The following ARHGEF11 variants were observed in gnomAD, a reference collection of about 807,000 sequenced individuals.
ARHGEF11 encodes the protein Rho guanine nucleotide exchange factor 11.
Under a neutral mutation model 193.7 loss-of-function variants are expected in ARHGEF11, and 55 were observed. That is an observed-to-expected ratio of 0.28 (90% confidence interval 0.23 to 0.36). ARHGEF11 has a LOEUF of 0.36. Among genes scored for constraint, ARHGEF11 ranks in the 10% least tolerant of loss-of-function variants. The pLI is 1.00. For missense variants in ARHGEF11, 1,723 were observed against 2,005.6 expected (o/e 0.86, Z 2.69); for synonymous variants, 693 against 768.0 (o/e 0.90, Z 1.62).
Position 156,935,848 on chromosome 1 carries a change from C to T in ARHGEF11, c.*152G>A, listed in dbSNP as rs550925575. On this transcript the variant is annotated 3_prime_UTR_variant, in exon 41 of 41. Coordinates refer to ENST00000368194, the MANE Select transcript of ARHGEF11 (RefSeq NM_198236.3). ...CGACTTGAGCAGACCAAGCAACATG[C>T]GGGTCTCCCCCCGGGCCTTGGCTGG... 8 of 826,772 alleles carry T rather than the reference C, an allele frequency of 9.7e-6. No homozygotes were observed. The highest frequency in any genetic ancestry group is 3.8e-4 in the Middle Eastern group (1 of 2,656). The allele number at this position is 826,772 out of a possible 1,614,324, so 51.2% of individuals were successfully genotyped here.
chr1:157,014,454 C>T, intron 1 of ARHGEF11, among the ~76,000 whole-genome samples: 1 of 152,020 alleles, frequency 6.6e-6, no homozygotes, highest in Non-Finnish European at 1.5e-5. Flanking sequence ...GTTGTCCAGG[C>T]TGGAGTGTAG....
In ARHGEF11 at chr1:157,005,487, T is replaced by C. The variant is rs193219928; in HGVS notation, c.33-19314A>G. Among the ~76,000 whole-genome samples, 112 of 152,276 alleles carry C rather than the reference T, an allele frequency of 7.4e-4. 1 individual carries two copies. Among genetic ancestry groups the C allele is most frequent in the Admixed American group, 2.4e-3 (36 of 15,300 alleles). ...ACAGCTCAGAGGTCAGAACTGAAGGTTGTCAGGGCAGTTTCTCAAGGCCAT... is the reference window on the plus strand; with the variant it reads ...ACAGCTCAGAGGTCAGAACTGAAGGCTGTCAGGGCAGTTTCTCAAGGCCAT... On this transcript the variant is annotated intron_variant, in intron 1 of 40. Transcript: ENST00000368194.
chr1:156,987,554 G>C (rs1404813178), intron 1 of ARHGEF11, among the ~76,000 whole-genome samples: 1 of 152,168 alleles, frequency 6.6e-6, no homozygotes, highest in Non-Finnish European at 1.5e-5. Flanking sequence ...TTGTCTCTGA[G>C]GAGGGAAACT....
intron 1 of ARHGEF11, among the ~76,000 whole-genome samples, chr1:157,023,942 C>T (rs1405368996): frequency 3.3e-5 from 5 of 152,092 alleles, no homozygotes; most frequent in South Asian, 2.1e-4. Context: ...CCTACATATA[C>T]AACCAAGAGA....
intron 40 of ARHGEF11, among the ~76,000 whole-genome samples, chr1:156,936,485 A>AATAAAAAT (rs1486013206): frequency 4.0e-5 from 3 of 75,402 alleles, no homozygotes; most frequent in African/African-American, 1.8e-4. Flanking sequence ...AAATAGAAAA[A>AATAAAAAT]AAAAAAAAAA....
At chr1:156,988,593 G>A (rs1411979671) in intron 1 of ARHGEF11, among the ~76,000 whole-genome samples, 1 of 152,138 alleles carries the variant, frequency 6.6e-6, no homozygotes, top group Non-Finnish European at 1.5e-5. Context: ...GATTTGGTTT[G>A]CATTTGAGCT....
In ARHGEF11 at chr1:156,977,001, C is replaced by T. The variant is rs199895391; in HGVS notation, c.564G>A (p.Gln188=). ...ATQILRNMLR[Q]EEKELQRICE... is the part of the protein sequence containing the mutation. Reference sequence around the variant, plus strand: ...ACCTTACCTGTAATTCTTTTTCTTCCTGCCTCAGCATATTCCTGAGGATCT... The same window carrying T: ...ACCTTACCTGTAATTCTTTTTCTTCTTGCCTCAGCATATTCCTGAGGATCT... Residue 188 remains glutamine (Q), a synonymous_variant, in exon 7 of 41, where the codon CAG becomes CAA. Coordinates refer to ENST00000368194, the MANE Select transcript of ARHGEF11 (RefSeq NM_198236.3). 71 of 1,614,062 alleles carry T rather than the reference C, an allele frequency of 4.4e-5. No individual in the cohort carries two copies. In the Admixed American group the frequency reaches 1.2e-3, roughly 27 times the overall value.
At chr1:156,955,153 T>C (rs1432965879) in intron 20 of ARHGEF11, among the ~76,000 whole-genome samples, 1 of 152,164 alleles carries the variant, frequency 6.6e-6, no homozygotes, top group Non-Finnish European at 1.5e-5. Context: ...CTTAAGGTAC[T>C]GACTGGGAGG....
Position 156,944,569 on chromosome 1 carries a change from T to C in ARHGEF11, c.2992-136A>G, listed in dbSNP as rs1305169444. 5.6e-6 allele frequency: 5 copies of C among 887,824 alleles called. No individual in the cohort carries two copies. In the African/African-American group the frequency reaches 8.3e-5, roughly 15 times the overall value. 55.0% of individuals were successfully genotyped at this position (887,824 alleles called of 1,614,324 possible). The stretch of plus-strand genomic sequence containing the variant: ...GAAAAAGTCCTTGCCCTTACTCTCT[T>C]GTGCGGGATGAAGACAAGCAAAAAG... On this transcript the variant is annotated intron_variant, in intron 30 of 40. Coordinates refer to ENST00000368194, the MANE Select transcript of ARHGEF11 (RefSeq NM_198236.3).
At chr1:156,982,572 T>TCA (rs1571350508) in intron 3 of ARHGEF11, among the ~76,000 whole-genome samples, 1 of 152,050 alleles carries the variant, frequency 6.6e-6, no homozygotes, top group Non-Finnish European at 1.5e-5. Context: ...CACACAACTC[T>TCA]CACACACACA....
At chr1:157,045,776 GCC>G (rs1673256809), upstream of ARHGEF11, among the ~76,000 whole-genome samples, 1 of 150,752 alleles carries the variant, frequency 6.6e-6, no homozygotes, top group South Asian at 2.1e-4. Flanking sequence ...CTCCTTCCGG[GCC>G]CCTTCCCCCT....
chr1:156,986,163 G>A lies in ARHGEF11; in HGVS notation c.43C>T (p.Leu15=). Reference sequence around the variant, plus strand: ...GGTGCAGAATCTCCCAGAGAAGACAGGCTACTTAACCTGGAGAAGGAGTAA... The same window carrying A: ...GGTGCAGAATCTCCCAGAGAAGACAAGCTACTTAACCTGGAGAAGGAGTAA... The part of the protein sequence containing the change: ...LPQSIDRLSS[L]SSLGDSAPER... Residue 15 remains leucine, a synonymous_variant, in exon 2 of 41, where the codon CTG becomes TTG. Coordinates refer to ENST00000368194, the MANE Select transcript of ARHGEF11 (RefSeq NM_198236.3). The A allele has an allele frequency of 6.2e-7, 1 of 1,613,738 alleles. No homozygotes were observed. Among genetic ancestry groups the A allele is most frequent in the Non-Finnish European group, 8.5e-7 (1 of 1,179,764 alleles).
chr1:156,940,883 G>A (rs979356411), intron 35 of ARHGEF11, among the ~76,000 whole-genome samples: 1 of 152,180 alleles, frequency 6.6e-6, no homozygotes, highest in Non-Finnish European at 1.5e-5. Flanking sequence ...GGAAACCCGA[G>A]ATTTCTCCTG....
chr1:157,044,425 G>A lies in ARHGEF11; in HGVS notation c.-95C>T, dbSNP rs1197827432. The stretch of plus-strand genomic sequence containing the variant: ...CAATTTTTGAGCAAGGTGAGAGGAG[G>A]GCCTCCCAACTTGAAGATAGAATCC... On this transcript the variant is annotated 5_prime_UTR_variant, in exon 1 of 41. Transcript: ENST00000368194. The A allele has an allele frequency of 8.4e-7, 1 of 1,187,186 alleles. No individual in the cohort carries two copies. Among genetic ancestry groups the A allele is most frequent in the Non-Finnish European group, 1.3e-6 (1 of 796,138 alleles). 73.5% of individuals were successfully genotyped at this position (1,187,186 alleles called of 1,614,324 possible). A position where few individuals can be genotyped will look rare whatever the true frequency, so the allele number is the denominator to read the frequency against.
intron 25 of ARHGEF11, 141 bp downstream of exon 25, chr1:156,947,628 T>C (rs761008363): frequency 4.3e-5 from 58 of 1,338,508 alleles, no homozygotes; most frequent in Non-Finnish European, 5.8e-5. Flanking sequence ...GGGAACCTTA[T>C]AGCAACAGGC....
intron 1 of ARHGEF11, among the ~76,000 whole-genome samples, chr1:157,020,840 A>G (rs1669881983): frequency 6.6e-6 from 1 of 152,250 alleles, no homozygotes; most frequent in South Asian, 2.1e-4. Flanking sequence ...TACAATGCTG[A>G]TATCGATAAA....
chr1:156,984,646 T>A (rs1192519222), intron 2 of ARHGEF11, among the ~76,000 whole-genome samples: 2 of 152,138 alleles, frequency 1.3e-5, no homozygotes, highest in East Asian at 3.9e-4. Context: ...AACTTTGTAT[T>A]CCAAATAAGA....
In ARHGEF11 at chr1:156,938,633, G is replaced by T. The variant is rs1050670361; in HGVS notation, c.4097-120C>A. On this transcript the variant is annotated intron_variant, in intron 37 of 40. Transcript: ENST00000368194. ...GGACAGGGGGAGGAGAAAATGGGAA[G>T]AACAAGGTGAACACAAGATCATACA... 7.6e-6 allele frequency: 6 copies of T among 787,502 alleles called. No individual in the cohort carries two copies. In the Admixed American group the frequency reaches 9.2e-5, roughly 12 times the overall value. The allele number at this position is 787,502 out of a possible 1,614,324, so 48.8% of individuals were successfully genotyped here.
chr1:157,045,938 C>T (rs1181186941), upstream of ARHGEF11, among the ~76,000 whole-genome samples: 10 of 150,858 alleles, frequency 6.6e-5, no homozygotes, highest in African/African-American at 2.2e-4. Flanking sequence ...CCGGCCTTTC[C>T]CCTCACGCCG....
Sources: gnomAD v4.1 joint callset for allele counts (sites outside exome capture counted in the v4.1 genomes callset) on GRCh38, gnomAD v4.1.1 for gene constraint, MANE v1.5 for transcripts, NCBI Gene and HGNC (gene_info 2026-07-23, HGNC 2026-07-21) for gene names.